CACNA1D: variants seen among roughly 807,000 people sequenced by gnomAD.
CACNA1D encodes the protein voltage-dependent L-type calcium channel subunit alpha-1D.
In CACNA1D, 55 loss-of-function variants were observed where a neutral mutation model predicts 257.1. The ratio of observed to expected loss-of-function variants is 0.21; its 90% CI spans 0.17 to 0.27. The LOEUF (loss-of-function observed/expected upper bound fraction) is 0.27, where lower values mean the gene tolerates loss of function less well. Among genes scored for constraint, CACNA1D ranks in the 10% least tolerant of loss-of-function variants. The pLI is 1.00. For missense variants in CACNA1D, 1,876 were observed against 2,784.0 expected, an observed-to-expected ratio of 0.67 and a Z score of 7.34; for synonymous variants, 980 against 1,014.9, an observed-to-expected ratio of 0.97 and a Z score of 0.65.
intron 3 of CACNA1D, among the ~76,000 whole-genome samples, chr3:53,526,152 C>T (rs982410068): frequency 4.6e-5 from 7 of 152,174 alleles, no homozygotes; most frequent in Non-Finnish European, 7.4e-5. Flanking sequence ...CGCGCACATC[C>T]GGAACCAGTT....
At chr3:53,546,530 C>G (rs1205851115) in intron 3 of CACNA1D, among the ~76,000 whole-genome samples, 1 of 152,202 alleles carries the variant, frequency 6.6e-6, no homozygotes, top group Non-Finnish European at 1.5e-5. Flanking sequence ...CATAATTTAG[C>G]TTCTGAAAGG....
At position 53,753,600 on chromosome 3, in the gene CACNA1D, A is replaced by G; in HGVS notation, c.3704A>G (p.Asp1235Gly). 2 of 1,612,390 alleles carry G rather than the reference A, an allele frequency of 1.2e-6. No homozygotes were observed. Among genetic ancestry groups the G allele is most frequent in the Non-Finnish European group, 1.7e-6 (2 of 1,178,376 alleles). The change falls in exon 29 of 48, where the codon GAT (aspartate) becomes GGT (glycine). Residue 1235 changes from aspartate to glycine, a missense_variant. Around this residue, in one of 10 missense-constraint regions of CACNA1D, gnomAD observed 204 missense variants for 309.4 expected, o/e 0.66. Coordinates refer to ENST00000350061, the MANE Select transcript of CACNA1D (RefSeq NM_001128840.3). ...QHYEQSKMFN[D>G]AMDILNMVFT... Reference sequence around the variant, plus strand: ...TACGAGCAGTCCAAGATGTTCAATGATGCCATGGACATTCTGAACATGGTC... The same window carrying G: ...TACGAGCAGTCCAAGATGTTCAATGGTGCCATGGACATTCTGAACATGGTC...
intron 20 of CACNA1D, among the ~76,000 whole-genome samples, chr3:53,739,370 A>G (rs2095091896): frequency 6.6e-6 from 1 of 152,114 alleles, no homozygotes. Context: ...GCCAAGACCA[A>G]CTCGCCTTTG....
At chr3:53,702,449 AC>A (rs2094636179) in intron 8 of CACNA1D, among the ~76,000 whole-genome samples, 191 bp from the exon 9 acceptor site, 1 of 151,818 alleles carries the variant, frequency 6.6e-6, no homozygotes, top group Non-Finnish European at 1.5e-5. Context: ...TGCGACTCTG[AC>A]CCCCATAGTC....
chr3:53,666,237 G>A lies in CACNA1D; in HGVS notation c.920-102G>A, dbSNP rs908887367. The A allele has an allele frequency of 4.2e-5, 44 of 1,045,526 alleles. No homozygotes were observed. In the African/African-American group the frequency reaches 4.9e-4, roughly 12 times the overall value. The allele number at this position is 1,045,526 out of a possible 1,614,324, so 64.8% of individuals were successfully genotyped here. A position where few individuals can be genotyped will look rare whatever the true frequency, so the allele number is the denominator to read the frequency against. ...GATCCTGAGGCAACGCAGATGGGGC[G>A]GTAGGGTGTCCCGGGCTCTGGCAAG... On this transcript the variant is annotated intron_variant, in intron 6 of 47. Coordinates refer to ENST00000350061, the MANE Select transcript of CACNA1D (RefSeq NM_001128840.3).
At chr3:53,757,046 T>C (rs1313810343) in intron 29 of CACNA1D, among the ~76,000 whole-genome samples, 3 of 152,124 alleles carry the variant, frequency 2.0e-5, no homozygotes, top group Non-Finnish European at 4.4e-5. Context: ...AAGAAGAAAG[T>C]GTTTTGGTGC....
intron 8 of CACNA1D, among the ~76,000 whole-genome samples, chr3:53,700,769 C>G (rs1485610933): frequency 6.6e-6 from 1 of 152,032 alleles, no homozygotes; most frequent in Non-Finnish European, 1.5e-5. Flanking sequence ...ACAGCCCTAA[C>G]AGGACCAAGG....
chr3:53,714,370 A>G (rs1389427978), intron 9 of CACNA1D, among the ~76,000 whole-genome samples: 3 of 152,224 alleles, frequency 2.0e-5, no homozygotes, highest in East Asian at 3.9e-4. Flanking sequence ...GGCAGTCACA[A>G]TGCTATGGAA....
chr3:53,603,644 T>C (rs2093472474), intron 3 of CACNA1D, among the ~76,000 whole-genome samples: 1 of 152,206 alleles, frequency 6.6e-6, no homozygotes, highest in Admixed American at 6.5e-5. Flanking sequence ...TGTTGGAAGC[T>C]ATAGTTTATA....
rs1017356353 is a variant in CACNA1D, at chr3:53,805,110, T to A, written c.5713T>A (p.Ser1905Thr). 8.7e-6 allele frequency: 14 copies of A among 1,613,852 alleles called. No individual in the cohort carries two copies. Among genetic ancestry groups the A allele is most frequent in the Non-Finnish European group, 1.2e-5 (14 of 1,180,010 alleles). Residue 1905 changes from serine to threonine, a missense_variant, in exon 45 of 48, where the codon TCT becomes ACT. Physicochemically the swap from Ser to Thr is moderately conservative, Grantham distance 58. Coordinates refer to ENST00000350061, the MANE Select transcript of CACNA1D (RefSeq NM_001128840.3). Reference sequence around the variant, plus strand: ...GCCCGTTTGCTATGATTCACGGAGATCTCCAAGGAGACGCCTACTACCTCC... The same window carrying A: ...GCCCGTTTGCTATGATTCACGGAGAACTCCAAGGAGACGCCTACTACCTCC... ...DSPVCYDSRR[S>T]PRRRLLPPTP... is the part of the protein sequence containing the mutation.
intron 45 of CACNA1D, chr3:53,807,700 G>C (rs2095574256): frequency 6.6e-6 from 1 of 152,470 alleles, no homozygotes; most frequent in African/African-American, 2.4e-5. Flanking sequence ...CCAGAATTCA[G>C]ACTGATCTCC....
rs1313653509 is a variant in CACNA1D, at chr3:53,780,055, C to T, written c.4617C>T (p.Asn1539=). 3.1e-6 allele frequency: 5 copies of T among 1,613,826 alleles called. No individual in the cohort carries two copies. Among genetic ancestry groups the T allele is most frequent in the Non-Finnish European group, 4.2e-6 (5 of 1,179,776 alleles). ...TAGTTGCCATGAACATGCCTCTCAACAGTGACGGGACAGTCATGTTTAATG... is the reference window on the plus strand; with the variant it reads ...TAGTTGCCATGAACATGCCTCTCAATAGTGACGGGACAGTCATGTTTAATG... ...KRLVAMNMPL[N]SDGTVMFNAT... Residue 1539 remains asparagine, a synonymous_variant, in exon 38 of 48, where the codon AAC becomes AAT. Transcript: ENST00000350061.
chr3:53,640,543 T>A (rs959994958), intron 3 of CACNA1D, among the ~76,000 whole-genome samples: 4 of 152,236 alleles, frequency 2.6e-5, no homozygotes, highest in African/African-American at 9.6e-5. Flanking sequence ...GAGGGGATTC[T>A]GCAGAGGTAG....
intron 9 of CACNA1D, among the ~76,000 whole-genome samples, chr3:53,708,815 G>A (rs545824512): frequency 1.3e-5 from 2 of 152,206 alleles, no homozygotes; most frequent in African/African-American, 4.8e-5. Flanking sequence ...TAGAAGTTTG[G>A]GGCCTCTACT....
intron 9 of CACNA1D, among the ~76,000 whole-genome samples, chr3:53,711,266 A>C (rs985875152): frequency 6.6e-6 from 1 of 152,234 alleles, no homozygotes; most frequent in Non-Finnish European, 1.5e-5. Flanking sequence ...CAAAATAAAT[A>C]AAAATAGACT....
chr3:53,549,440 G>GC (rs2092482935), intron 3 of CACNA1D, among the ~76,000 whole-genome samples: 2 of 152,166 alleles, frequency 1.3e-5, no homozygotes, highest in Admixed American at 6.5e-5. Flanking sequence ...CCACTGACTT[G>GC]TTGACTTGCT....
intron 39 of CACNA1D, among the ~76,000 whole-genome samples, chr3:53,784,718 C>T (rs2095443509): frequency 1.3e-5 from 2 of 152,124 alleles, no homozygotes; most frequent in African/African-American, 4.8e-5. Flanking sequence ...GCATGGCAGG[C>T]CACCAGAGAC....
At chr3:53,538,141 GTTTTTT>G (rs538996336) in intron 3 of CACNA1D, among the ~76,000 whole-genome samples, 16 of 90,464 alleles carry the variant, frequency 1.8e-4, no homozygotes, top group South Asian at 8.3e-4. Context: ...AGTTTTTGAA[GTTTTTT>G]TTTTTTTTTT....
At chr3:53,497,641 G>T (rs1348354613) in intron 2 of CACNA1D, among the ~76,000 whole-genome samples, 180 bp downstream of exon 2, 2 of 152,154 alleles carry the variant, frequency 1.3e-5, no homozygotes, top group African/African-American at 4.8e-5. Context: ...AGGGGTGGCT[G>T]TACGGGTATA....
Sources: allele counts gnomAD v4.1 joint callset (sites outside exome capture counted in the v4.1 genomes callset), GRCh38; gene constraint gnomAD v4.1.1; regional missense constraint gnomAD v4.1.1; transcripts MANE v1.5; gene names NCBI Gene and HGNC (gene_info 2026-07-23, HGNC 2026-07-21).